The following VPS35L variants were observed in gnomAD, a reference collection of about 807,000 sequenced individuals.
VPS35L encodes the protein VPS35 endosomal protein-sorting factor-like.
VPS35L carries 83 observed loss-of-function variants against 133.0 expected under a neutral mutation model. The observed-to-expected ratio is 0.62, with a 90% confidence interval of 0.52 to 0.75. VPS35L has a LOEUF of 0.75. Among genes scored for constraint, VPS35L ranks in the 30% least tolerant of loss-of-function variants. The pLI, the probability that VPS35L is intolerant of heterozygous loss-of-function variation, is 0.00. For missense variants in VPS35L, 1,083 were observed against 1,206.8 expected, an observed-to-expected ratio of 0.90 and a Z score of 1.52; for synonymous variants, 423 against 449.9, an observed-to-expected ratio of 0.94 and a Z score of 0.76.
rs1247688041 is a variant in VPS35L at position 19,569,494 on chromosome 16, G to A, written c.188G>A (p.Ser63Asn). 6 of 1,610,432 alleles carry A rather than the reference G, an allele frequency of 3.7e-6. No homozygotes were observed. The highest frequency in any genetic ancestry group is 5.1e-6 in the Non-Finnish European group (6 of 1,178,368). The change falls in exon 3 of 31, where the codon AGC becomes AAC. Residue 63 changes from serine (S) to asparagine (N), a missense_variant. Physicochemically the swap from Ser to Asn is conservative, Grantham distance 46. Transcript: ENST00000417362. Reference sequence around the variant, plus strand: ...TCTTCCACGTCCTCCTCCTCCTCCAGCTCCGTGGTGGACCCGCTGAGCAGC... The same window carrying A: ...TCTTCCACGTCCTCCTCCTCCTCCAACTCCGTGGTGGACCCGCTGAGCAGC... The part of the protein sequence containing the change: ...STSSTSSSSS[S>N]SVVDPLSSVL...
intron 18 of VPS35L, among the ~76,000 whole-genome samples, chr16:19,632,539 G>A (rs1298298676): frequency 1.3e-5 from 2 of 152,150 alleles, no homozygotes; most frequent in African/African-American, 4.8e-5. Context: ...CCTTGTGATG[G>A]TGTCTGGCGT....
intron 22 of VPS35L, 65 bp downstream of exon 22, chr16:19,642,541 A>G: frequency 1.5e-6 from 2 of 1,341,646 alleles, no homozygotes; most frequent in Non-Finnish European, 2.1e-6. Flanking sequence ...ATAGGACATT[A>G]GGGAATGACT....
chr16:19,679,516 T>C (rs1156831695), intron 27 of VPS35L, among the ~76,000 whole-genome samples: 1 of 117,708 alleles, frequency 8.5e-6, no homozygotes, highest in East Asian at 3.1e-4. Flanking sequence ...TATTTATTTA[T>C]TTTTTTGGAG....
At chr16:19,614,977 T>C (rs978753389) in intron 12 of VPS35L, among the ~76,000 whole-genome samples, 2 of 152,202 alleles carry the variant, frequency 1.3e-5, no homozygotes, top group African/African-American at 4.8e-5. Flanking sequence ...TCATGTTATA[T>C]AAAATTGCAT....
At position 19,563,570 on chromosome 16, in the gene VPS35L, A is replaced by T. The variant is rs1421249986; in HGVS notation, c.18-1281A>T. 2.0e-5 allele frequency among the ~76,000 whole-genome samples: 3 copies of T among 152,092 alleles called. No individual in the cohort carries two copies. The East Asian group carries it at 5.8e-4, about 29-fold the overall frequency. On this transcript the variant is annotated intron_variant, in intron 1 of 30. Coordinates refer to ENST00000417362, the MANE Select transcript of VPS35L (RefSeq NM_020314.7). Reference sequence around the variant, plus strand: ...TATATGTGTGTTAGGCCTTCTCTTCACGTTGCTTGTGTCTTTGAAATTCTG... The same window carrying T: ...TATATGTGTGTTAGGCCTTCTCTTCTCGTTGCTTGTGTCTTTGAAATTCTG...
At chr16:19,588,311 C>T (rs913962176) in intron 7 of VPS35L, among the ~76,000 whole-genome samples, 1 of 151,980 alleles carries the variant, frequency 6.6e-6, no homozygotes, top group Non-Finnish European at 1.5e-5. Context: ...CTCAGCCTCC[C>T]GAGTAGCTTG....
At position 19,564,876 on chromosome 16, in the gene VPS35L, G is replaced by C; in HGVS notation, c.43G>C (p.Ala15Pro). ...GCACTCCAGGAATAGGAACTACAAA[G>C]CTGAATTTGCATCATGCCGACTGGA... ...PWHSRNRNYK[A>P]EFASCRLEAV... Residue 15 changes from alanine (A) to proline (P), a missense_variant, in exon 2 of 31, where the codon GCT becomes CCT. Coordinates refer to ENST00000417362, the MANE Select transcript of VPS35L (RefSeq NM_020314.7). 1 of 1,613,514 alleles carries C rather than the reference G, an allele frequency of 6.2e-7. No individual in the cohort carries two copies. Among genetic ancestry groups the C allele is most frequent in the Non-Finnish European group, 8.5e-7 (1 of 1,179,606 alleles).
chr16:19,666,973 TTCC>T (rs58614310), intron 26 of VPS35L, among the ~76,000 whole-genome samples: 51 of 113,070 alleles, frequency 4.5e-4, no homozygotes, highest in Middle Eastern at 4.0e-3. Context: ...TCTTCCTTTC[TTCC>T]TTTCTTTCTT....
chr16:19,611,082 C>T (rs766226553), intron 12 of VPS35L, among the ~76,000 whole-genome samples: 185 of 152,252 alleles, frequency 1.2e-3, no homozygotes, highest in Non-Finnish European at 2.1e-3. Flanking sequence ...TCATTTCAAC[C>T]TCCACCGCCT....
chr16:19,666,951 CCTTT>C (rs1567470570), intron 26 of VPS35L, among the ~76,000 whole-genome samples: 3 of 86,768 alleles, frequency 3.5e-5, no homozygotes, highest in Non-Finnish European at 7.4e-5. Flanking sequence ...TTCCTTTCTT[CCTTT>C]CTTCCTTTCT....
At chr16:19,670,187 C>T (rs952664030) in intron 27 of VPS35L, among the ~76,000 whole-genome samples, 1 of 152,202 alleles carries the variant, frequency 6.6e-6, no homozygotes, top group Admixed American at 6.5e-5. Context: ...GCAATTGGTC[C>T]TCTGGGACCT....
intron 14 of VPS35L, among the ~76,000 whole-genome samples, chr16:19,620,821 T>A (rs1333262240): frequency 2.0e-5 from 3 of 151,870 alleles, no homozygotes; most frequent in African/African-American, 7.3e-5. Context: ...TGTGGTGGCA[T>A]GCGCCTGTAA....
intron 29 of VPS35L, among the ~76,000 whole-genome samples, chr16:19,693,591 G>A (rs1357510334): frequency 6.6e-6 from 1 of 152,098 alleles, no homozygotes; most frequent in African/African-American, 2.4e-5. Context: ...GACCAGCCTG[G>A]CCAACATGGC....
intron 24 of VPS35L, among the ~76,000 whole-genome samples, chr16:19,649,953 A>G (rs1974073245): frequency 6.6e-6 from 1 of 152,112 alleles, no homozygotes; most frequent in Non-Finnish European, 1.5e-5. Context: ...TACTATCATT[A>G]TTGTTCTTAT....
At chr16:19,587,628 C>T (rs1971909948) in intron 7 of VPS35L, among the ~76,000 whole-genome samples, 1 of 149,188 alleles carries the variant, frequency 6.7e-6, no homozygotes, top group Admixed American at 6.6e-5. Context: ...GAGTGAAACT[C>T]CGTCTCAAAA....
intron 14 of VPS35L, among the ~76,000 whole-genome samples, chr16:19,624,581 C>T (rs1973201254): frequency 1.4e-5 from 2 of 146,138 alleles, no homozygotes; most frequent in Non-Finnish European, 3.1e-5. Flanking sequence ...TAAGACTCGT[C>T]TCTCTGTCTC....
chr16:19,606,752 T>C (rs1257273014), intron 9 of VPS35L, among the ~76,000 whole-genome samples: 2 of 152,220 alleles, frequency 1.3e-5, no homozygotes, highest in Non-Finnish European at 2.9e-5. Flanking sequence ...AACTTCTCCC[T>C]TTTAATTTAT....
Position 19,565,053 on chromosome 16 carries a change from A to G in VPS35L, c.117+103A>G, listed in dbSNP as rs1971145307. 7 of 861,556 alleles carry G rather than the reference A, an allele frequency of 8.1e-6. 1 individual carries two copies. The highest frequency in any genetic ancestry group is 5.0e-5 in the South Asian group (3 of 60,012). 53.4% of individuals were successfully genotyped at this position (861,556 alleles called of 1,614,324 possible). A position where few individuals can be genotyped will look rare whatever the true frequency, so the allele number is the denominator to read the frequency against. Reference sequence around the variant, plus strand: ...TTTTGCCAGTGGTAGCCACTTTTGCATATTTGATTTTTTTTTTTTTTTCAG... The same window carrying G: ...TTTTGCCAGTGGTAGCCACTTTTGCGTATTTGATTTTTTTTTTTTTTTCAG... On this transcript the variant is annotated intron_variant, in intron 2 of 30. Coordinates refer to ENST00000417362, the MANE Select transcript of VPS35L (RefSeq NM_020314.7).
chr16:19,686,728 G>A (rs892456048), intron 28 of VPS35L, among the ~76,000 whole-genome samples: 3 of 152,050 alleles, frequency 2.0e-5, no homozygotes, highest in South Asian at 2.1e-4. Context: ...TCTCAAATGC[G>A]CCCTTTTCTC....
Sources: allele counts gnomAD v4.1 joint callset (sites outside exome capture counted in the v4.1 genomes callset), GRCh38; gene constraint gnomAD v4.1.1; transcripts MANE v1.5; gene names NCBI Gene and HGNC (gene_info 2026-07-23, HGNC 2026-07-21).